CDH18: variants seen among roughly 807,000 people sequenced by gnomAD.
The protein encoded by CDH18 is cadherin 18, also known as cadherin-18.
CDH18 carries 31 observed loss-of-function variants against 67.9 expected under a neutral mutation model. The ratio of observed to expected loss-of-function variants is 0.46; its 90% CI spans 0.34 to 0.62. CDH18 has a LOEUF of 0.62. CDH18 is among the 20% of genes least tolerant of loss of function. The pLI is 0.01. For synonymous variants in CDH18, 362 were observed against 347.2 expected, an observed-to-expected ratio of 1.04 and a Z score of -0.48; for missense variants, 890 against 975.5, an observed-to-expected ratio of 0.91 and a Z score of 1.17.
intron 2 of CDH18, among the ~76,000 whole-genome samples, chr5:20,196,277 TCTGA>T (rs72160306): frequency 0.11 from 17,105 of 152,102 alleles, 1,356 homozygotes; most frequent in African/African-American, 0.22. Flanking sequence ...TAGGCAATAT[TCTGA>T]CTATTTTAAA....
intron 2 of CDH18, among the ~76,000 whole-genome samples, chr5:20,081,667 A>G (rs553188571): frequency 2.6e-5 from 4 of 152,288 alleles, no homozygotes; most frequent in African/African-American, 7.2e-5. Flanking sequence ...ACTAGAGGCT[A>G]TTATGCTAAC....
At chr5:19,993,911 C>CCCTT (rs1800125647) in intron 2 of CDH18, among the ~76,000 whole-genome samples, 1 of 152,030 alleles carries the variant, frequency 6.6e-6, no homozygotes, top group African/African-American at 2.4e-5. Context: ...AGATACTGTG[C>CCCTT]CCTTAATTAT....
intron 3 of CDH18, among the ~76,000 whole-genome samples, chr5:19,828,108 A>C (rs1269572446): frequency 6.6e-6 from 1 of 152,146 alleles, no homozygotes; most frequent in Non-Finnish European, 1.5e-5. Flanking sequence ...TATGCACACA[A>C]ACTAGACAAC....
At position 19,623,863 on chromosome 5, in the gene CDH18, TGA is replaced by T. The variant is rs574428740; in HGVS notation, c.644-11264_644-11263del. 8.2e-4 allele frequency among the ~76,000 whole-genome samples: 29 copies of T among 35,382 alleles called. No individual in the cohort carries two copies. The East Asian group carries it at 0.058, about 70-fold the overall frequency. The allele number at this position is 35,382 out of a possible 152,430, so 23.2% of individuals were successfully genotyped here. ...CATAGGTCCATAAGTAACTGAACATTGATGATTTCTCCTGCATTACCAATTTA... is the reference window on the plus strand; with the variant it reads ...CATAGGTCCATAAGTAACTGAACATTTGATTTCTCCTGCATTACCAATTTA... On this transcript the variant is annotated intron_variant, in intron 5 of 12. Transcript: ENST00000382275.
intron 5 of CDH18, among the ~76,000 whole-genome samples, chr5:19,690,809 TC>T (rs1313607085): frequency 6.6e-6 from 1 of 151,370 alleles, no homozygotes; most frequent in African/African-American, 2.4e-5. Flanking sequence ...AGAGAGAAAA[TC>T]CCAGGACCTA....
intron 1 of CDH18, among the ~76,000 whole-genome samples, chr5:20,402,843 G>C (rs1745885327): frequency 6.6e-6 from 1 of 151,942 alleles, no homozygotes; most frequent in Non-Finnish European, 1.5e-5. Flanking sequence ...GTGAGGCGGA[G>C]GTTGCAGTGA....
intron 2 of CDH18, among the ~76,000 whole-genome samples, chr5:20,179,974 C>T (rs1225270327): frequency 1.3e-5 from 2 of 152,096 alleles, no homozygotes; most frequent in Non-Finnish European, 1.5e-5. Context: ...GGAAGACCCC[C>T]TGAAACTATT....
At chr5:19,725,627 G>C (rs1443787982) in intron 4 of CDH18, among the ~76,000 whole-genome samples, 1 of 152,082 alleles carries the variant, frequency 6.6e-6, no homozygotes, top group Admixed American at 6.5e-5. Flanking sequence ...AAATTATCTG[G>C]ACGTGGTGGT....
chr5:19,682,808 G>T (rs1760526921), intron 5 of CDH18, among the ~76,000 whole-genome samples: 2 of 152,080 alleles, frequency 1.3e-5, no homozygotes, highest in South Asian at 4.1e-4. Context: ...TGCAGGACAT[G>T]AAGTGTTAGT....
intron 2 of CDH18, among the ~76,000 whole-genome samples, chr5:19,958,855 A>C (rs548639726): frequency 1.3e-5 from 2 of 152,216 alleles, no homozygotes; most frequent in South Asian, 4.1e-4. Flanking sequence ...CTTCCAGAGC[A>C]GTGTGAAGTG....
intron 10 of CDH18, among the ~76,000 whole-genome samples, chr5:19,510,040 T>C (rs1169416747): frequency 1.3e-5 from 2 of 152,170 alleles, no homozygotes; most frequent in African/African-American, 2.4e-5. Flanking sequence ...TACATGCTGA[T>C]ACGTTTAGAT....
At chr5:20,434,843 G>T (rs917054427) in intron 1 of CDH18, among the ~76,000 whole-genome samples, 3 of 151,924 alleles carry the variant, frequency 2.0e-5, no homozygotes, top group African/African-American at 7.2e-5. Flanking sequence ...AGGAGTAAAA[G>T]TCCCTATAGA....
chr5:20,286,940 T>C (rs1746738400), intron 1 of CDH18, among the ~76,000 whole-genome samples: 1 of 151,814 alleles, frequency 6.6e-6, no homozygotes, highest in African/African-American at 2.4e-5. Flanking sequence ...TATTTCTAAA[T>C]TCTATAACCT....
intron 5 of CDH18, among the ~76,000 whole-genome samples, chr5:19,714,398 C>T (rs1013750484): frequency 6.6e-6 from 1 of 152,046 alleles, no homozygotes; most frequent in Non-Finnish European, 1.5e-5. Flanking sequence ...TAATAACTCT[C>T]TATTTCTTAA....
intron 2 of CDH18, among the ~76,000 whole-genome samples, chr5:20,075,286 C>G (rs1743828839): frequency 6.6e-6 from 1 of 152,024 alleles, no homozygotes; most frequent in African/African-American, 2.4e-5. Flanking sequence ...GGGTGGATCA[C>G]GAGGTCAGGA....
At chr5:19,941,418 G>T (rs2150232330) in intron 2 of CDH18, among the ~76,000 whole-genome samples, 1 of 152,190 alleles carries the variant, frequency 6.6e-6, no homozygotes. Context: ...ACGGGACTGA[G>T]TAGAAGTAGT....
chr5:20,447,950 C>T (rs911578670), intron 1 of CDH18, among the ~76,000 whole-genome samples: 19 of 151,856 alleles, frequency 1.3e-4, no homozygotes, highest in Admixed American at 1.1e-3. Context: ...ATGTATACAA[C>T]GTGCAGGTTT....
chr5:20,037,258 T>C (rs1281079962), intron 2 of CDH18, among the ~76,000 whole-genome samples: 1 of 152,008 alleles, frequency 6.6e-6, no homozygotes, highest in Admixed American at 6.6e-5. Context: ...GATACCGGTA[T>C]TTCCTTTCCA....
chr5:20,384,890 G>A (rs918857356), intron 1 of CDH18, among the ~76,000 whole-genome samples: 4 of 152,100 alleles, frequency 2.6e-5, no homozygotes, highest in African/African-American at 9.7e-5. Flanking sequence ...AGGCTGGAGT[G>A]CAGTGGTGTG....
Sources: allele counts gnomAD v4.1 joint callset (sites outside exome capture counted in the v4.1 genomes callset), GRCh38; gene constraint gnomAD v4.1.1; transcripts MANE v1.5; gene names NCBI Gene and HGNC (gene_info 2026-07-23, HGNC 2026-07-21).